FAM135B: variants seen among roughly 807,000 people sequenced by gnomAD.
The protein encoded by FAM135B is family with sequence similarity 135 member B, also known as protein FAM135B.
FAM135B carries 43 observed loss-of-function variants against 127.7 expected under a neutral mutation model. That is an observed-to-expected ratio of 0.34 (90% CI 0.26 to 0.43). The LOEUF (loss-of-function observed/expected upper bound fraction) is 0.43. Ranked by LOEUF, FAM135B falls within the 20% of genes least tolerant of loss-of-function variation. The pLI, the probability that FAM135B is intolerant of heterozygous loss-of-function variation, is 1.00. For missense variants in FAM135B, 1,558 were observed against 1,725.6 expected (o/e 0.90, Z 1.72); for synonymous variants, 670 against 665.1 (o/e 1.01, Z -0.11).
intron 9 of FAM135B, among the ~76,000 whole-genome samples, chr8:138,193,512 A>T (rs2131097444): frequency 6.6e-6 from 1 of 152,284 alleles, no homozygotes. Flanking sequence ...TGGGAAATGG[A>T]AAAGCCGAGT....
chr8:138,164,849 A>C (rs900596967), intron 12 of FAM135B, among the ~76,000 whole-genome samples: 3 of 152,206 alleles, frequency 2.0e-5, no homozygotes, highest in African/African-American at 4.8e-5. Context: ...CAGCAAAATA[A>C]ACTTTCTAAA....
chr8:138,189,892 T>C (rs549076770), intron 9 of FAM135B, among the ~76,000 whole-genome samples: 1 of 152,298 alleles, frequency 6.6e-6, no homozygotes, highest in African/African-American at 2.4e-5. Context: ...GGGAGAACAA[T>C]TGTTTTGAGA....
intron 1 of FAM135B, chr8:138,440,594 A>G (rs1835704196): frequency 6.6e-6 from 1 of 152,200 alleles, no homozygotes; most frequent in Non-Finnish European, 1.5e-5. Flanking sequence ...TCATTACAAG[A>G]TAACATAAAT....
At chr8:138,188,906 TGACAGG>T in intron 9 of FAM135B, among the ~76,000 whole-genome samples, 1 of 152,162 alleles carries the variant, frequency 6.6e-6, no homozygotes, top group East Asian at 1.9e-4. Flanking sequence ...TACCACATAC[TGACAGG>T]GACAGGAGAC....
chr8:138,355,586 A>C (rs1830044389), intron 2 of FAM135B, among the ~76,000 whole-genome samples: 1 of 152,188 alleles, frequency 6.6e-6, no homozygotes, highest in South Asian at 2.1e-4. Context: ...GTTGGTTAAG[A>C]AAGTATCTCT....
intron 2 of FAM135B, among the ~76,000 whole-genome samples, chr8:138,360,236 T>C (rs1830336818): frequency 6.6e-6 from 1 of 152,220 alleles, no homozygotes; most frequent in Non-Finnish European, 1.5e-5. Flanking sequence ...TAGCTCCATT[T>C]CAGCTAACAA....
At chr8:138,168,177 C>T in intron 11 of FAM135B, 128 bp from the exon 12 acceptor site, 1 of 1,099,082 alleles carries the variant, frequency 9.1e-7, no homozygotes, top group East Asian at 2.7e-5. Flanking sequence ...GCCCATCATC[C>T]TTTTCTTCCA....
intron 15 of FAM135B, chr8:138,144,152 G>T (rs1377532271): frequency 6.6e-6 from 1 of 152,264 alleles, no homozygotes; most frequent in Non-Finnish European, 1.5e-5. Flanking sequence ...CAGGCGCAGT[G>T]GCCCATGCCT....
intron 4 of FAM135B, among the ~76,000 whole-genome samples, chr8:138,263,149 A>C (rs1822667796): frequency 6.6e-6 from 1 of 152,106 alleles, no homozygotes; most frequent in South Asian, 2.1e-4. Context: ...TTAAAAAAAA[A>C]CAAAACACTG....
intron 3 of FAM135B, among the ~76,000 whole-genome samples, chr8:138,289,292 A>T (rs1824925211): frequency 6.6e-6 from 1 of 152,246 alleles, no homozygotes; most frequent in African/African-American, 2.4e-5. Context: ...ATAATGGAGA[A>T]TATTCTTCTC....
chr8:138,253,419 G>A (rs1049112808), intron 5 of FAM135B, among the ~76,000 whole-genome samples: 8 of 152,104 alleles, frequency 5.3e-5, no homozygotes, highest in Non-Finnish European at 8.8e-5. Flanking sequence ...TGTGGTGGGA[G>A]GGGGCACTGC....
intron 4 of FAM135B, among the ~76,000 whole-genome samples, chr8:138,259,768 C>T (rs563442432): frequency 1.1e-4 from 16 of 152,276 alleles, no homozygotes; most frequent in Middle Eastern, 6.8e-3. Context: ...TAAAACACCT[C>T]ATCACCTTGT....
intron 1 of FAM135B, among the ~76,000 whole-genome samples, chr8:138,495,211 A>C (rs1815345633): frequency 6.6e-6 from 1 of 152,224 alleles, no homozygotes; most frequent in East Asian, 1.9e-4. Context: ...ATTGTGATTG[A>C]GCCTGGTAAA....
chr8:138,489,015 G>C (rs1815101691), intron 1 of FAM135B, among the ~76,000 whole-genome samples: 1 of 152,072 alleles, frequency 6.6e-6, no homozygotes, highest in African/African-American at 2.4e-5. Flanking sequence ...GGGTCTAAAG[G>C]AACACCTTTG....
chr8:138,392,695 T>A (rs989508854), intron 1 of FAM135B, among the ~76,000 whole-genome samples: 3 of 152,154 alleles, frequency 2.0e-5, no homozygotes, highest in Non-Finnish European at 4.4e-5. Context: ...CTTCTGAGCA[T>A]CTAGGTACTC....
intron 7 of FAM135B, among the ~76,000 whole-genome samples, chr8:138,226,107 G>T (rs1272521474): frequency 2.0e-5 from 3 of 150,306 alleles, no homozygotes; most frequent in Admixed American, 1.3e-4. Flanking sequence ...AGCAGATAAA[G>T]TACCTTGAAG....
intron 19 of FAM135B, among the ~76,000 whole-genome samples, chr8:138,134,513 CTT>C (rs1816466783): frequency 6.6e-6 from 1 of 152,014 alleles, no homozygotes; most frequent in South Asian, 2.1e-4. Flanking sequence ...ATAGCAAACT[CTT>C]ATATGTTTTC....
Position 138,442,267 on chromosome 8 carries a change from T to TATATATATATATATATATATATATAC in FAM135B, c.-20+54403_-20+54404insGTATATATATATATATATATATATAT, listed in dbSNP as rs34280434. On this transcript the variant is annotated intron_variant, in intron 1 of 19. Coordinates refer to ENST00000395297, the MANE Select transcript of FAM135B (RefSeq NM_015912.4). ...ATATATATATATATATATATATATATATATATATATGAAAAACCTTGGCAG... is the reference window on the plus strand; with the variant it reads ...ATATATATATATATATATATATATATATATATATATATATATATATATATACATATATATATGAAAAACCTTGGCAG... 3.7e-4 allele frequency among the ~76,000 whole-genome samples: 32 copies of TATATATATATATATATATATATATAC among 86,746 alleles called. 4 individuals carry two copies. Among genetic ancestry groups the TATATATATATATATATATATATATAC allele is most frequent in the Admixed American group, 7.5e-4 (6 of 8,038 alleles). 56.9% of individuals were successfully genotyped at this position (86,746 alleles called of 152,430 possible).
In FAM135B at chr8:138,473,702, G is replaced by A. The variant is rs544410749; in HGVS notation, c.-20+22969C>T. Among the ~76,000 whole-genome samples the A allele has an allele frequency of 3.8e-4, 58 of 152,174 alleles. 1 individual carries two copies. In the South Asian group the frequency reaches 8.5e-3, roughly 22 times the overall value. ...AATGAGAATAATGCACTGGTAATTC[G>A]CTAAACAATCAGGAGATCAGCCCAG... On this transcript the variant is annotated intron_variant, in intron 1 of 19. Coordinates refer to ENST00000395297, the MANE Select transcript of FAM135B (RefSeq NM_015912.4).
Sources: gnomAD v4.1 joint callset for allele counts (sites outside exome capture counted in the v4.1 genomes callset) on GRCh38, gnomAD v4.1.1 for gene constraint, MANE v1.5 for transcripts, NCBI Gene and HGNC (gene_info 2026-07-23, HGNC 2026-07-21) for gene names.